CFAP47: variants seen among roughly 807,000 people sequenced by gnomAD.
CFAP47 encodes the protein cilia and flagella associated protein 47, also known as cilia- and flagella-associated protein 47.
CFAP47 carries 29 observed loss-of-function variants against 148.1 expected under a neutral mutation model. That is an observed-to-expected ratio of 0.20 (90% CI 0.15 to 0.27). The LOEUF (loss-of-function observed/expected upper bound fraction) is 0.27. Among genes scored for constraint, CFAP47 ranks in the 10% least tolerant of loss-of-function variants. CFAP47 has a pLI of 1.00. For missense variants in CFAP47, 1,872 were observed against 1,697.5 expected (o/e 1.10, Z -1.81); for synonymous variants, 664 against 577.3 (o/e 1.15, Z -2.15).
intron 23 of CFAP47, among the ~76,000 whole-genome samples, chrX:36,034,924 A>G (rs1180611133): frequency 9.0e-6 from 1 of 110,749 alleles, no homozygotes; most frequent in Non-Finnish European, 1.9e-5. Flanking sequence ...GTGTATATAT[A>G]CTAATCCACA....
intron 46 of CFAP47, among the ~76,000 whole-genome samples, chrX:36,235,390 GC>G (rs1940443979): frequency 8.9e-6 from 1 of 112,364 alleles, no homozygotes; most frequent in African/African-American, 3.2e-5. Flanking sequence ...CTAGCAATCA[GC>G]GAGACTCCGT....
At chrX:35,996,693 A>T (rs749443919) in intron 18 of CFAP47, among the ~76,000 whole-genome samples, 1 of 111,760 alleles carries the variant, frequency 8.9e-6, no homozygotes, top group South Asian at 3.7e-4. Context: ...AAGCAATAAA[A>T]TGTTCAGGCA....
intron 23 of CFAP47, among the ~76,000 whole-genome samples, chrX:36,032,597 T>C (rs755288438): frequency 3.7e-4 from 41 of 111,173 alleles, no homozygotes; most frequent in African/African-American, 1.3e-3. Context: ...AAAATATGAA[T>C]ATCCAAAATA....
At chrX:36,201,910 A>G (rs1939984893) in intron 44 of CFAP47, among the ~76,000 whole-genome samples, 1 of 110,603 alleles carries the variant, frequency 9.0e-6, no homozygotes, top group South Asian at 3.8e-4. Context: ...AGGTAGAATC[A>G]TCTCTGGTGT....
intron 25 of CFAP47, among the ~76,000 whole-genome samples, chrX:36,042,840 A>G (rs145360123): frequency 0.017 from 1,849 of 111,714 alleles, 45 homozygotes; most frequent in African/African-American, 0.057. Context: ...TGGAAGGGTC[A>G]AGGATCAAGA....
chrX:36,006,804 A>G (rs764389456), intron 21 of CFAP47, among the ~76,000 whole-genome samples: 5 of 112,125 alleles, frequency 4.5e-5, no homozygotes, highest in Non-Finnish European at 9.4e-5. Flanking sequence ...CTTGGTCAAT[A>G]TATGGAATTG....
At chrX:36,146,662 G>A (rs1939237039) in intron 36 of CFAP47, among the ~76,000 whole-genome samples, 2 of 111,492 alleles carry the variant, frequency 1.8e-5, no homozygotes, top group African/African-American at 6.5e-5. Flanking sequence ...GAATCAACAC[G>A]ATGAATGGCA....
At chrX:36,209,043 T>C (rs782399125) in intron 45 of CFAP47, among the ~76,000 whole-genome samples, 3 of 112,286 alleles carry the variant, frequency 2.7e-5, no homozygotes, top group African/African-American at 6.5e-5. Flanking sequence ...TACATCTCTG[T>C]ATCATATGGA....
chrX:36,217,635 C>G (rs782092432), intron 45 of CFAP47, among the ~76,000 whole-genome samples: 3 of 111,367 alleles, frequency 2.7e-5, no homozygotes, highest in Non-Finnish European at 5.7e-5. Flanking sequence ...AATATATGTC[C>G]TACTAACATT....
intron 30 of CFAP47, among the ~76,000 whole-genome samples, chrX:36,097,908 G>A (rs776796077): frequency 2.6e-4 from 29 of 111,544 alleles, no homozygotes; most frequent in African/African-American, 9.1e-4. Flanking sequence ...CTTTTCCCCG[G>A]CTCTTTCTCT....
At chrX:36,219,362 TA>T (rs1218073010) in intron 45 of CFAP47, among the ~76,000 whole-genome samples, 1 of 111,592 alleles carries the variant, frequency 9.0e-6, no homozygotes, top group Non-Finnish European at 1.9e-5. Context: ...CAATTGTGTC[TA>T]AACTCCAAAA....
chrX:36,039,037 G>C lies in CFAP47; in HGVS notation c.3865G>C (p.Val1289Leu). ...DIPMLLNYIP[V>L]CYKILHLTGE... ...TCCTATGCTTTTAAATTATATTCCA[G>C]TTTGCTATAAAATATTACATCTTAC... The change falls in exon 25 of 64, where the codon GTT becomes CTT. Residue 1289 changes from valine (V) to leucine (L), a missense_variant. Physicochemically the swap from Val to Leu is conservative, Grantham distance 32. Transcript: ENST00000378653. 8.8e-7 allele frequency: 1 copy of C among 1,135,596 alleles called. No homozygotes were observed. The highest frequency in any genetic ancestry group is 1.2e-6 in the Non-Finnish European group (1 of 850,071). 93.6% of individuals were successfully genotyped at this position (1,135,596 alleles called of 1,213,427 possible).
chrX:35,959,005 A>G (rs1420455539), intron 8 of CFAP47, among the ~76,000 whole-genome samples: 1 of 111,699 alleles, frequency 9.0e-6, no homozygotes, highest in Non-Finnish European at 1.9e-5. Flanking sequence ...AAGTTGAGGA[A>G]TGGGATGGCT....
chrX:36,319,365 A>G (rs1475205822), intron 57 of CFAP47, 58 bp downstream of exon 57: 13 of 497,982 alleles, frequency 2.6e-5, no homozygotes, highest in Non-Finnish European at 3.4e-5. Flanking sequence ...TTCAGAGATA[A>G]TGAAATATAT....
intron 1 of CFAP47, among the ~76,000 whole-genome samples, chrX:35,924,063 A>G (rs1201128859): frequency 1.0e-5 from 1 of 96,983 alleles, no homozygotes; most frequent in Non-Finnish European, 2.0e-5. Flanking sequence ...ATGTATGCGC[A>G]CATATATGTA....
intron 35 of CFAP47, 51 bp downstream of exon 35, chrX:36,138,515 G>C: frequency 9.2e-7 from 1 of 1,083,046 alleles, no homozygotes. Context: ...AATTTCTTTT[G>C]ATAGCTTGCT....
chrX:36,149,443 T>C (rs761674788), intron 37 of CFAP47, among the ~76,000 whole-genome samples: 6 of 110,241 alleles, frequency 5.4e-5, no homozygotes, highest in Non-Finnish European at 9.5e-5. Flanking sequence ...TGCATTTAAT[T>C]TTAATTTGTT....
chrX:36,258,919 A>T (rs1264642425), intron 49 of CFAP47, among the ~76,000 whole-genome samples: 2 of 112,212 alleles, frequency 1.8e-5, no homozygotes, highest in East Asian at 5.6e-4. Context: ...ATGCAATTTG[A>T]CACACATCAC....
chrX:36,161,463 AC>A (rs1461497145), intron 39 of CFAP47, among the ~76,000 whole-genome samples: 3 of 112,112 alleles, frequency 2.7e-5, no homozygotes, highest in African/African-American at 9.7e-5. Context: ...ACTAATTTAT[AC>A]TGCACAATCA....
Sources: allele counts gnomAD v4.1 joint callset (sites outside exome capture counted in the v4.1 genomes callset), GRCh38; gene constraint gnomAD v4.1.1; transcripts MANE v1.5; gene names NCBI Gene and HGNC (gene_info 2026-07-23, HGNC 2026-07-21).